The following RANBP2 variants were observed in gnomAD, a reference collection of about 807,000 sequenced individuals.
RANBP2 encodes E3 SUMO-protein ligase RanBP2.
A neutral mutation model predicts 303.6 loss-of-function variants in RANBP2; 57 were observed. That is an observed-to-expected ratio of 0.19 (90% CI 0.15 to 0.23). The LOEUF is 0.23. RANBP2 is among the 10% of genes least tolerant of loss of function. RANBP2 has a pLI of 1.00. For missense variants in RANBP2, 3,138 were observed against 3,780.8 expected, an observed-to-expected ratio of 0.83 and a Z score of 4.46; for synonymous variants, 1,167 against 1,301.5, an observed-to-expected ratio of 0.90 and a Z score of 2.23.
Position 108,753,577 on chromosome 2 carries a change from G to A in RANBP2, c.2055+14G>A. The A allele has an allele frequency of 1.9e-6, 3 of 1,604,354 alleles. No homozygotes were observed. Among genetic ancestry groups the A allele is most frequent in the Non-Finnish European group, 2.5e-6 (3 of 1,177,894 alleles). On this transcript the variant is annotated intron_variant, in intron 14 of 28. Transcript: ENST00000283195. ...AATCTTGCACTGGTAAGTAGATGCA[G>A]TACTTGAGCTAAAAGTTTTATTTAT...
the RANBP2 span, chr2:108,894,519 A>C: frequency 6.6e-6 from 1 of 152,614 alleles, no homozygotes; most frequent in African/African-American, 2.4e-5. Flanking sequence ...AGTTATATAT[A>C]TACAGAATTA....
the RANBP2 span, among the ~76,000 whole-genome samples, chr2:109,443,977 A>G: frequency 1.3e-5 from 2 of 152,224 alleles, no homozygotes; most frequent in Admixed American, 6.5e-5. Context: ...ACTGAGATAG[A>G]TTATGTACTG....
the RANBP2 span, among the ~76,000 whole-genome samples, chr2:109,558,661 CCAT>C: frequency 3.9e-5 from 6 of 152,132 alleles, no homozygotes; most frequent in South Asian, 2.1e-4. Context: ...AGGATACCCA[CCAT>C]GACTCAGCAT....
At chr2:109,237,825 A>G in the RANBP2 span, among the ~76,000 whole-genome samples, 1 of 152,258 alleles carries the variant, frequency 6.6e-6, no homozygotes, top group Non-Finnish European at 1.5e-5. Context: ...CAAAGTTTCC[A>G]TTTTAGTATA....
At chr2:109,065,201 T>C in the RANBP2 span, among the ~76,000 whole-genome samples, 1 of 152,194 alleles carries the variant, frequency 6.6e-6, no homozygotes, top group Non-Finnish European at 1.5e-5. Context: ...TCTTCATCAA[T>C]GTGTGTTCTC....
the RANBP2 span, among the ~76,000 whole-genome samples, chr2:109,561,144 C>T: frequency 4.6e-5 from 7 of 152,308 alleles, 1 homozygote; most frequent in African/African-American, 1.4e-4. Context: ...TCTCATCTCA[C>T]GTGAGCCCAG....
the RANBP2 span, among the ~76,000 whole-genome samples, chr2:109,334,333 G>T: frequency 7.2e-6 from 1 of 139,326 alleles, no homozygotes; most frequent in Non-Finnish European, 1.5e-5. Flanking sequence ...ACTTCAGATT[G>T]GGTGACAGTT....
the RANBP2 span, among the ~76,000 whole-genome samples, chr2:109,246,968 G>C: frequency 6.6e-6 from 1 of 152,238 alleles, no homozygotes; most frequent in Non-Finnish European, 1.5e-5. Flanking sequence ...GCATGAGGAG[G>C]ACTCATGGTG....
the RANBP2 span, chr2:109,618,777 A>C: frequency 6.0e-6 from 1 of 167,046 alleles, no homozygotes; most frequent in Non-Finnish European, 1.5e-5. Context: ...CTTATAAGGT[A>C]CACTTGAAAC....
At chr2:109,230,782 C>T in the RANBP2 span, among the ~76,000 whole-genome samples, 5 of 152,270 alleles carry the variant, frequency 3.3e-5, no homozygotes, top group South Asian at 1.0e-3. Flanking sequence ...ATGACCCTAT[C>T]ATAAGTGCTG....
At chr2:109,074,762 C>T in the RANBP2 span, among the ~76,000 whole-genome samples, 21 of 148,438 alleles carry the variant, frequency 1.4e-4, 1 homozygote, top group African/African-American at 2.2e-4. Flanking sequence ...CAGGTTCATG[C>T]CTGTAATCTC....
chr2:108,764,434 G>A lies in RANBP2; in HGVS notation c.3895G>A (p.Glu1299Lys). The change falls in exon 20 of 29, where the codon GAA (glutamate) becomes AAA (lysine). Residue 1299 changes from glutamate to lysine, a missense_variant. Coordinates refer to ENST00000283195, the MANE Select transcript of RANBP2 (RefSeq NM_006267.5). The stretch of plus-strand genomic sequence containing the variant: ...AGCAGCACTTTTTAAATGCAAGTTT[G>A]AAGAAGCCCAGAGCATTTTAAAAGC... The part of the protein sequence containing the change: ...EEAALFKCKF[E>K]EAQSILKAPG... 3 of 1,614,008 alleles carry A rather than the reference G, an allele frequency of 1.9e-6. No homozygotes were observed. The highest frequency in any genetic ancestry group is 2.5e-6 in the Non-Finnish European group (3 of 1,179,978).
the RANBP2 span, among the ~76,000 whole-genome samples, chr2:109,362,619 A>G: frequency 1.3e-5 from 2 of 152,174 alleles, no homozygotes; most frequent in South Asian, 4.1e-4. Context: ...AAGTTCAGTT[A>G]TATCCTTACT....
chr2:109,208,555 G>A, the RANBP2 span, among the ~76,000 whole-genome samples: 39 of 152,188 alleles, frequency 2.6e-4, no homozygotes, highest in Middle Eastern at 3.2e-3. Flanking sequence ...AGCACCAACC[G>A]ACCCACCTGC....
chr2:109,343,673 C>T, the RANBP2 span, among the ~76,000 whole-genome samples: 1 of 152,052 alleles, frequency 6.6e-6, no homozygotes, highest in East Asian at 1.9e-4. Flanking sequence ...TGGGTTACCA[C>T]CTGTGGAGAG....
At chr2:108,794,475 A>G in the RANBP2 span, 42 of 1,400,026 alleles carry the variant, frequency 3.0e-5, no homozygotes, top group Non-Finnish European at 3.8e-5. Context: ...CCTAAAGGTT[A>G]CTCTGAGAAT....
At chr2:108,909,145 C>T in the RANBP2 span, among the ~76,000 whole-genome samples, 1 of 152,148 alleles carries the variant, frequency 6.6e-6, no homozygotes, top group Admixed American at 6.5e-5. Flanking sequence ...ATATTTTTTC[C>T]TAATAGGGCC....
chr2:109,660,619 G>A, the RANBP2 span, among the ~76,000 whole-genome samples: 1 of 152,220 alleles, frequency 6.6e-6, no homozygotes, highest in Admixed American at 6.5e-5. Flanking sequence ...GCAGATGGGG[G>A]ACTGCTGGAT....
In RANBP2 at chr2:108,783,622, A is replaced by C; in HGVS notation, c.9396A>C (p.Gly3132=). 1.2e-6 allele frequency: 2 copies of C among 1,612,274 alleles called. No homozygotes were observed. Among genetic ancestry groups the C allele is most frequent in the Non-Finnish European group, 1.7e-6 (2 of 1,178,736 alleles). ...CQGGDITKHD[G]TGGQSIYGDK... ...GAGGAGATATCACCAAACATGATGG[A>C]ACAGGCGGACAGTCCATTTATGGAG... Residue 3132 remains glycine, a synonymous_variant, in exon 29 of 29, where the codon GGA becomes GGC. Transcript: ENST00000283195.
Sources: allele counts gnomAD v4.1 joint callset (sites outside exome capture counted in the v4.1 genomes callset), GRCh38; gene constraint gnomAD v4.1.1; transcripts MANE v1.5; gene names NCBI Gene and HGNC (gene_info 2026-07-23, HGNC 2026-07-21).